MTUS2: variants seen among roughly 807,000 people sequenced by gnomAD.
The protein encoded by MTUS2 is microtubule-associated tumor suppressor candidate 2.
MTUS2 carries 40 observed loss-of-function variants against 114.1 expected under a neutral mutation model. The observed-to-expected ratio is 0.35, with a 90% CI of 0.27 to 0.46. The LOEUF is 0.46. Among genes scored for constraint, MTUS2 ranks in the 20% least tolerant of loss-of-function variants. The probability of loss-of-function intolerance (pLI) is 1.00; values close to 1 mark genes in which losing one functional copy is unlikely to be tolerated. For missense variants in MTUS2, 1,679 were observed against 1,705.4 expected, an observed-to-expected ratio of 0.98 and a Z score of 0.27; for synonymous variants, 688 against 672.0, an observed-to-expected ratio of 1.02 and a Z score of -0.37.
chr13:29,296,197 TTTTGTTTGTTTGTTTG>T (rs59082438), intron 6 of MTUS2, among the ~76,000 whole-genome samples: 1 of 148,852 alleles, frequency 6.7e-6, no homozygotes, highest in Non-Finnish European at 1.5e-5. Context: ...ATTTTTAGGT[TTTTGTTTGTTTGTTTG>T]TTTGTTTGTT....
At chr13:28,888,040 C>G (rs1878693718) in intron 2 of MTUS2, among the ~76,000 whole-genome samples, 2 of 152,224 alleles carry the variant, frequency 1.3e-5, no homozygotes, top group African/African-American at 4.8e-5. Flanking sequence ...TAGTACCACT[C>G]TTCTGTGAAA....
rs1883175988 is a variant in MTUS2 at position 29,505,511 on chromosome 13, G to A, written c.*2305G>A. On this transcript the variant is annotated 3_prime_UTR_variant, in exon 16 of 16. Transcript: ENST00000612955. Reference sequence around the variant, plus strand: ...ACCCATCATGTATGGCTCCTCATCTGAGCCATCACCGCTCCCGAAACACAT... The same window carrying A: ...ACCCATCATGTATGGCTCCTCATCTAAGCCATCACCGCTCCCGAAACACAT... 2 of 223,070 alleles carry A rather than the reference G, an allele frequency of 9.0e-6. No individual in the cohort carries two copies. Among genetic ancestry groups the A allele is most frequent in the South Asian group, 1.9e-4 (1 of 5,356 alleles). The allele number at this position is 223,070 out of a possible 1,614,324, so 13.8% of individuals were successfully genotyped here.
intron 5 of MTUS2, among the ~76,000 whole-genome samples, chr13:29,185,172 G>C (rs1468752336): frequency 6.6e-6 from 1 of 152,008 alleles, no homozygotes; most frequent in East Asian, 1.9e-4. Context: ...CTCAGCAGCA[G>C]ATTTGAGCAA....
chr13:29,116,658 A>G (rs1314459394), intron 5 of MTUS2, among the ~76,000 whole-genome samples: 1 of 152,194 alleles, frequency 6.6e-6, no homozygotes, highest in African/African-American at 2.4e-5. Context: ...CTTTGGGGCC[A>G]TTCTTAAGTA....
At chr13:29,491,613 T>C (rs1320301552) in intron 11 of MTUS2, among the ~76,000 whole-genome samples, 2 of 147,508 alleles carry the variant, frequency 1.4e-5, no homozygotes, top group African/African-American at 5.0e-5. Context: ...GTGTGGCATA[T>C]AGTGTGTGTA....
At chr13:29,248,474 T>C (rs1897004739) in intron 5 of MTUS2, among the ~76,000 whole-genome samples, 1 of 152,242 alleles carries the variant, frequency 6.6e-6, no homozygotes. Context: ...ATATATTTTT[T>C]ATTTTATTTT....
chr13:28,826,378 T>C (rs1874271682), intron 1 of MTUS2, among the ~76,000 whole-genome samples: 1 of 152,234 alleles, frequency 6.6e-6, no homozygotes, highest in East Asian at 1.9e-4. Flanking sequence ...TGTTGAGAGA[T>C]TTTAAAAACA....
chr13:28,853,109 C>G (rs1020613157), intron 2 of MTUS2, among the ~76,000 whole-genome samples: 1 of 151,746 alleles, frequency 6.6e-6, no homozygotes, highest in Non-Finnish European at 1.5e-5. Flanking sequence ...TCTTAAATGC[C>G]TTCATGTTGG....
chr13:29,053,208 T>G (rs1887983201), intron 4 of MTUS2, among the ~76,000 whole-genome samples: 1 of 152,226 alleles, frequency 6.6e-6, no homozygotes, highest in Non-Finnish European at 1.5e-5. Context: ...ATATGTATTT[T>G]ATATAATCTG....
intron 5 of MTUS2, among the ~76,000 whole-genome samples, chr13:29,146,805 A>G (rs779798421): frequency 2.6e-5 from 4 of 152,198 alleles, no homozygotes; most frequent in Non-Finnish European, 5.9e-5. Flanking sequence ...TACCTGTGAC[A>G]TGGGAAGCAC....
intron 2 of MTUS2, among the ~76,000 whole-genome samples, chr13:28,916,594 A>G (rs1303210794): frequency 6.6e-6 from 1 of 151,332 alleles, no homozygotes; most frequent in Non-Finnish European, 1.5e-5. Context: ...GATTGTTCAA[A>G]TACTGGCTTT....
intron 5 of MTUS2, among the ~76,000 whole-genome samples, chr13:29,264,798 G>A (rs1897606691): frequency 1.3e-5 from 2 of 152,242 alleles, no homozygotes; most frequent in Non-Finnish European, 2.9e-5. Flanking sequence ...AGGACCCTGG[G>A]CCTGGCCCAC....
chr13:29,004,612 A>G (rs550626485), intron 2 of MTUS2, among the ~76,000 whole-genome samples: 2 of 152,258 alleles, frequency 1.3e-5, no homozygotes, highest in African/African-American at 4.8e-5. Context: ...GTGTATCATC[A>G]GAAGTTGCCC....
intron 8 of MTUS2, among the ~76,000 whole-genome samples, chr13:29,360,812 T>C (rs1171874826): frequency 3.3e-5 from 5 of 151,344 alleles, no homozygotes; most frequent in East Asian, 1.9e-4. Context: ...TATTTCCCAC[T>C]GACTGTCAAG....
intron 5 of MTUS2, among the ~76,000 whole-genome samples, chr13:29,175,428 A>G (rs760677960): frequency 5.3e-5 from 8 of 152,208 alleles, no homozygotes; most frequent in Non-Finnish European, 7.3e-5. Flanking sequence ...GAAAAAAATA[A>G]CAATACTCCA....
At chr13:29,437,947 CAAAA>C (rs60962567) in intron 8 of MTUS2, among the ~76,000 whole-genome samples, 18 of 136,350 alleles carry the variant, frequency 1.3e-4, no homozygotes, top group East Asian at 2.3e-4. Context: ...GATCTTATCT[CAAAA>C]AAAAAAAAAA....
intron 2 of MTUS2, among the ~76,000 whole-genome samples, chr13:28,879,042 CTTG>C (rs1431785610): frequency 6.6e-6 from 1 of 152,130 alleles, no homozygotes; most frequent in Non-Finnish European, 1.5e-5. Flanking sequence ...TGAGATGTAT[CTTG>C]TTGTGGTTTT....
intron 8 of MTUS2, among the ~76,000 whole-genome samples, chr13:29,395,469 C>T (rs1185467022): frequency 6.6e-6 from 1 of 152,152 alleles, no homozygotes; most frequent in Non-Finnish European, 1.5e-5. Context: ...TGTCAGTCTG[C>T]ACAGTGAGTG....
chr13:28,923,354 A>G (rs139304459), intron 2 of MTUS2, among the ~76,000 whole-genome samples: 2 of 152,144 alleles, frequency 1.3e-5, no homozygotes, highest in Non-Finnish European at 2.9e-5. Context: ...TGTTCTGGAC[A>G]TTTTGGTTAT....
Sources: allele counts gnomAD v4.1 joint callset (sites outside exome capture counted in the v4.1 genomes callset), GRCh38; gene constraint gnomAD v4.1.1; transcripts MANE v1.5; gene names NCBI Gene and HGNC (gene_info 2026-07-23, HGNC 2026-07-21).